The following SBF2 variants were observed in gnomAD, a reference collection of about 807,000 sequenced individuals.
SBF2 encodes the protein SET binding factor 2, also known as myotubularin-related protein 13.
SBF2 carries 112 observed loss-of-function variants against 225.2 expected under a neutral mutation model. That is an observed-to-expected ratio of 0.50 (90% confidence interval 0.43 to 0.58). The LOEUF (loss-of-function observed/expected upper bound fraction) is 0.58. Ranked by LOEUF, SBF2 falls within the 20% of genes least tolerant of loss-of-function variation. The pLI is 0.00. For missense variants in SBF2, 1,996 were observed against 2,206.2 expected, an observed-to-expected ratio of 0.90 and a Z score of 1.91; for synonymous variants, 763 against 773.3, an observed-to-expected ratio of 0.99 and a Z score of 0.22.
chr11:10,099,804 G>A (rs1952197562), intron 2 of SBF2, among the ~76,000 whole-genome samples: 1 of 151,932 alleles, frequency 6.6e-6, no homozygotes, highest in Admixed American at 6.6e-5. Context: ...TGTTTGATAT[G>A]TCTTATGAAA....
intron 2 of SBF2, among the ~76,000 whole-genome samples, chr11:10,079,613 G>C (rs1197757521): frequency 6.6e-6 from 1 of 152,102 alleles, no homozygotes; most frequent in Non-Finnish European, 1.5e-5. Flanking sequence ...AAACAAGACT[G>C]AACCTACAAA....
At chr11:10,137,668 T>G (rs1262518450) in intron 2 of SBF2, among the ~76,000 whole-genome samples, 1 of 152,176 alleles carries the variant, frequency 6.6e-6, no homozygotes, top group Non-Finnish European at 1.5e-5. Context: ...AGTTTTCCTT[T>G]TTTGTCTTTG....
At chr11:9,865,688 CAAAAAA>C (rs1174863548) in intron 17 of SBF2, among the ~76,000 whole-genome samples, 1 of 14,836 alleles carries the variant, frequency 6.7e-5, no homozygotes, top group Admixed American at 1.2e-3. Context: ...AAAACTGTCT[CAAAAAA>C]AAAAAAAAAA....
At chr11:9,848,557 C>T (rs779033937) in intron 22 of SBF2, among the ~76,000 whole-genome samples, 4 of 152,248 alleles carry the variant, frequency 2.6e-5, no homozygotes, top group East Asian at 1.9e-4. Context: ...TTTCACACTA[C>T]GCATAACTTC....
At chr11:9,840,708 T>A (rs1856070879) in intron 25 of SBF2, among the ~76,000 whole-genome samples, 1 of 152,220 alleles carries the variant, frequency 6.6e-6, no homozygotes, top group African/African-American at 2.4e-5. Flanking sequence ...ATTTCTGGAT[T>A]AACCAGAAGT....
chr11:10,056,736 G>A (rs965660228), intron 2 of SBF2, among the ~76,000 whole-genome samples: 5 of 150,960 alleles, frequency 3.3e-5, no homozygotes, highest in Admixed American at 2.6e-4. Context: ...AGCCACCCTC[G>A]CCTGAGGTTT....
chr11:10,163,931 C>T (rs1293660408), intron 2 of SBF2, among the ~76,000 whole-genome samples: 3 of 152,184 alleles, frequency 2.0e-5, no homozygotes, highest in Non-Finnish European at 2.9e-5. Flanking sequence ...TACCAAATTA[C>T]TTTGTAAGTG....
chr11:9,845,306 T>C (rs141804848), intron 24 of SBF2, among the ~76,000 whole-genome samples: 96 of 152,218 alleles, frequency 6.3e-4, no homozygotes, highest in African/African-American at 2.2e-3. Context: ...AAAGAGAAAA[T>C]AGAATTTCAC....
At chr11:10,004,693 T>C (rs1317617557) in intron 6 of SBF2, among the ~76,000 whole-genome samples, 1 of 152,022 alleles carries the variant, frequency 6.6e-6, no homozygotes, top group East Asian at 1.9e-4. Flanking sequence ...CCTGTACTCC[T>C]GTGAGACAAA....
chr11:9,977,162 T>C (rs16907334), intron 13 of SBF2, among the ~76,000 whole-genome samples: 27,631 of 151,956 alleles, frequency 0.18, 2,631 homozygotes, highest in East Asian at 0.28. Context: ...TGAAAACATT[T>C]ATTAGTGGTC....
intron 27 of SBF2, among the ~76,000 whole-genome samples, chr11:9,830,106 T>C (rs908969305): frequency 4.6e-5 from 7 of 152,308 alleles, no homozygotes; most frequent in African/African-American, 1.7e-4. Context: ...GCAAAAAGTA[T>C]ACACAATTGT....
At chr11:9,980,155 A>C (rs181144942) in intron 13 of SBF2, among the ~76,000 whole-genome samples, 54 of 151,422 alleles carry the variant, frequency 3.6e-4, no homozygotes, top group African/African-American at 1.2e-3. Context: ...TAATTTTTGT[A>C]TTTTTAGTAG....
intron 16 of SBF2, among the ~76,000 whole-genome samples, chr11:9,913,261 C>T (rs951782733): frequency 1.3e-5 from 2 of 151,940 alleles, no homozygotes; most frequent in Non-Finnish European, 2.9e-5. Context: ...GGCGACAGGG[C>T]GAGACTCTGT....
chr11:9,945,966 T>C (rs1865538311), intron 16 of SBF2, among the ~76,000 whole-genome samples: 1 of 151,898 alleles, frequency 6.6e-6, no homozygotes. Context: ...GAAAAGGGAA[T>C]GCTTATACTT....
At chr11:10,254,900 C>CAAAAAAAAAAAAAA (rs71034757) in intron 1 of SBF2, among the ~76,000 whole-genome samples, 43 of 44,070 alleles carry the variant, frequency 9.8e-4, no homozygotes, top group Non-Finnish European at 1.1e-3. Flanking sequence ...GACTCTGTCT[C>CAAAAAAAAAAAAAA]AAAAAAAAAA....
chr11:9,848,344 C>A (rs1856699752), intron 22 of SBF2, among the ~76,000 whole-genome samples: 1 of 151,840 alleles, frequency 6.6e-6, no homozygotes, highest in Admixed American at 6.6e-5. Flanking sequence ...TATGTGTCAT[C>A]AAAGGATAAA....
chr11:10,104,001 T>C (rs1296534405), intron 2 of SBF2, among the ~76,000 whole-genome samples: 1 of 151,866 alleles, frequency 6.6e-6, no homozygotes, highest in East Asian at 1.9e-4. Context: ...AAGGATCACT[T>C]GTGCCCAGGA....
At chr11:10,067,144 A>G (rs1266530300) in intron 2 of SBF2, among the ~76,000 whole-genome samples, 2 of 152,134 alleles carry the variant, frequency 1.3e-5, no homozygotes, top group African/African-American at 2.4e-5. Flanking sequence ...TTAGGGATAC[A>G]TATGTCAAAA....
At position 9,949,046 on chromosome 11, in the gene SBF2, A is replaced by G. The variant is rs759399276; in HGVS notation, c.1860+12911T>C. Among the ~76,000 whole-genome samples, 38 of 152,076 alleles carry G rather than the reference A, an allele frequency of 2.5e-4. 1 individual carries two copies. Among genetic ancestry groups the G allele is most frequent in the African/African-American group, 8.0e-4 (33 of 41,414 alleles). On this transcript the variant is annotated intron_variant, in intron 16 of 39. Transcript: ENST00000256190. ...CCTGAGCCTGTTTAATGGTGCCTGG[A>G]CAAGGAAAGAAAGAAGGAAAGAAGG...
Sources: gnomAD v4.1 joint callset for allele counts (sites outside exome capture counted in the v4.1 genomes callset) on GRCh38, gnomAD v4.1.1 for gene constraint, MANE v1.5 for transcripts, NCBI Gene and HGNC (gene_info 2026-07-23, HGNC 2026-07-21) for gene names.